The following DAPK1 variants were observed in gnomAD, a reference collection of about 807,000 sequenced individuals.
The protein encoded by DAPK1 is death-associated protein kinase 1.
A neutral mutation model predicts 144.9 loss-of-function variants in DAPK1; 56 were observed. That is an observed-to-expected ratio of 0.39 (90% CI 0.31 to 0.48). The LOEUF (loss-of-function observed/expected upper bound fraction) is 0.48. Among genes scored for constraint, DAPK1 ranks in the 20% least tolerant of loss-of-function variants. The pLI, the probability that DAPK1 is intolerant of heterozygous loss-of-function variation, is 0.95. For missense variants in DAPK1, 1,454 were observed against 1,875.4 expected, an observed-to-expected ratio of 0.78 and a Z score of 4.15; for synonymous variants, 690 against 749.0, an observed-to-expected ratio of 0.92 and a Z score of 1.29.
Position 87,621,482 on chromosome 9 carries a change from A to T in DAPK1, c.284+16307A>T, listed in dbSNP as rs564576845. On this transcript the variant is annotated intron_variant, in intron 3 of 25. Transcript: ENST00000408954. ...TGCAGTAAGCATTTCTGCATCTTCC[A>T]GCCTCCCTGGCCTTCCCAGGGAGGA... 2.2e-4 allele frequency among the ~76,000 whole-genome samples: 34 copies of T among 152,260 alleles called. 1 individual carries two copies. The South Asian group carries it at 6.8e-3, about 31-fold the overall frequency.
At chr9:87,518,747 C>T (rs931125840) in intron 2 of DAPK1, among the ~76,000 whole-genome samples, 30 of 152,058 alleles carry the variant, frequency 2.0e-4, no homozygotes, top group African/African-American at 7.2e-4. Context: ...AAGGTTTCTG[C>T]TGACATATCA....
chr9:87,604,972 G>A lies in DAPK1; in HGVS notation c.81G>A (p.Val27=). ...TTTTCAGTGGACAGTTTGCGGTTGT[G>A]AAGAAATGCCGTGAGAAAAGCACCG... is the stretch of plus-strand genomic sequence containing the variant. The part of the protein sequence containing the change: ...EELGSGQFAV[V]KKCREKSTGL... Residue 27 remains valine (V), a synonymous_variant, in exon 3 of 26, where the codon GTG becomes GTA. Transcript: ENST00000408954. 1 of 1,614,080 alleles carries A rather than the reference G, an allele frequency of 6.2e-7. No individual in the cohort carries two copies. Among genetic ancestry groups the A allele is most frequent in the African/African-American group, 1.3e-5 (1 of 75,030 alleles).
rs560173196 is a variant in DAPK1 at position 87,500,791 on chromosome 9, G to A, written c.62+1652G>A. 2.6e-5 allele frequency among the ~76,000 whole-genome samples: 4 copies of A among 152,172 alleles called. No individual in the cohort carries two copies. In the South Asian group the frequency reaches 8.3e-4, roughly 32 times the overall value. ...TTTGATTTGCTCAGTGTACATTTTT[G>A]TGTATAACGTTCTCCCCACTGTGCA... On this transcript the variant is annotated intron_variant, in intron 2 of 25. Transcript: ENST00000408954.
chr9:87,648,603 G>T (rs1169006255), intron 14 of DAPK1, 178 bp from the exon 15 acceptor site: 2 of 594,418 alleles, frequency 3.4e-6, no homozygotes, highest in East Asian at 5.5e-5. Context: ...CTGTGTGGTG[G>T]ACACCCCAAC....
At chr9:87,515,959 C>G (rs943611400) in intron 2 of DAPK1, among the ~76,000 whole-genome samples, 14 of 152,150 alleles carry the variant, frequency 9.2e-5, no homozygotes, top group African/African-American at 3.4e-4. Context: ...CCCTTGCCCC[C>G]CTTTCCCTAG....
chr9:87,643,840 G>A (rs182231701), intron 11 of DAPK1, among the ~76,000 whole-genome samples: 109 of 152,250 alleles, frequency 7.2e-4, no homozygotes, highest in African/African-American at 2.6e-3. Context: ...GCCAGCAGAA[G>A]AGAAAAGAGC....
chr9:87,516,220 T>A (rs191896134), intron 2 of DAPK1, among the ~76,000 whole-genome samples: 1 of 152,268 alleles, frequency 6.6e-6, no homozygotes, highest in East Asian at 1.9e-4. Flanking sequence ...ATTTTTCCCT[T>A]GTGTCTCTAC....
intron 19 of DAPK1, among the ~76,000 whole-genome samples, chr9:87,671,884 C>T (rs534979720): frequency 6.6e-6 from 1 of 152,098 alleles, no homozygotes; most frequent in East Asian, 1.9e-4. Context: ...GTGAAAAGTC[C>T]CCCCTCATCT....
intron 18 of DAPK1, among the ~76,000 whole-genome samples, chr9:87,665,407 A>G (rs903776001): frequency 2.6e-5 from 4 of 152,220 alleles, no homozygotes; most frequent in African/African-American, 9.7e-5. Context: ...TAAGTAGATG[A>G]GCCCTTATAA....
At chr9:87,657,813 G>T (rs1031550915) in intron 17 of DAPK1, 3 of 565,730 alleles carry the variant, frequency 5.3e-6, no homozygotes, top group Non-Finnish European at 9.5e-6. Flanking sequence ...TATCTTTGAA[G>T]TTGTATTTTG....
At chr9:87,671,073 C>T (rs985488875) in intron 19 of DAPK1, among the ~76,000 whole-genome samples, 8 of 152,170 alleles carry the variant, frequency 5.3e-5, no homozygotes, top group Admixed American at 1.3e-4. Flanking sequence ...ATGGTCGGAT[C>T]GGTGGTGGGT....
At chr9:87,541,751 A>G (rs560420888) in intron 2 of DAPK1, among the ~76,000 whole-genome samples, 35 of 152,326 alleles carry the variant, frequency 2.3e-4, no homozygotes, top group African/African-American at 8.2e-4. Context: ...ATACGTTTTC[A>G]TGAACCACTA....
At chr9:87,513,402 G>A (rs1824925861) in intron 2 of DAPK1, among the ~76,000 whole-genome samples, 1 of 152,182 alleles carries the variant, frequency 6.6e-6, no homozygotes, top group Admixed American at 6.5e-5. Flanking sequence ...TTGACTTGGA[G>A]GTTTCATTCC....
At chr9:87,610,275 T>C (rs1024883) in intron 3 of DAPK1, among the ~76,000 whole-genome samples, 5,403 of 152,348 alleles carry the variant, frequency 0.035, 180 homozygotes, top group East Asian at 0.12. Flanking sequence ...TCGGATTTCA[T>C]GTCCTCCACG....
At chr9:87,518,777 G>A (rs1194145073) in intron 2 of DAPK1, among the ~76,000 whole-genome samples, 1 of 152,130 alleles carries the variant, frequency 6.6e-6, no homozygotes, top group African/African-American at 2.4e-5. Flanking sequence ...CAGCTATGTG[G>A]GTATCCATGT....
chr9:87,620,463 G>A (rs1829252999), intron 3 of DAPK1, among the ~76,000 whole-genome samples: 2 of 152,028 alleles, frequency 1.3e-5, no homozygotes, highest in Admixed American at 6.6e-5. Flanking sequence ...GATCAGCTGT[G>A]TGCCTCTGAT....
At chr9:87,571,846 T>C (rs1046676360) in intron 2 of DAPK1, among the ~76,000 whole-genome samples, 1 of 152,174 alleles carries the variant, frequency 6.6e-6, no homozygotes, top group African/African-American at 2.4e-5. Context: ...ACATGGGGGT[T>C]GGAGGCCTCT....
chr9:87,603,659 T>C (rs1828606520), intron 2 of DAPK1, among the ~76,000 whole-genome samples: 1 of 152,224 alleles, frequency 6.6e-6, no homozygotes, highest in African/African-American at 2.4e-5. Flanking sequence ...GATAATTCTT[T>C]ACATAGCAGT....
intron 2 of DAPK1, among the ~76,000 whole-genome samples, chr9:87,519,571 C>A (rs1185709259): frequency 6.6e-6 from 1 of 152,076 alleles, no homozygotes; most frequent in Non-Finnish European, 1.5e-5. Context: ...GTCACGTGAC[C>A]AGTGGCCCGC....
Sources: gnomAD v4.1 joint callset for allele counts (sites outside exome capture counted in the v4.1 genomes callset) on GRCh38, gnomAD v4.1.1 for gene constraint, MANE v1.5 for transcripts, NCBI Gene and HGNC (gene_info 2026-07-23, HGNC 2026-07-21) for gene names.